The following OCM variants were observed in gnomAD, a reference collection of about 807,000 sequenced individuals.
OCM encodes the protein oncomodulin, also known as oncomodulin-1.
OCM carries 18 observed loss-of-function variants against 14.1 expected under a neutral mutation model. That is an observed-to-expected ratio of 1.28 (90% CI 0.88 to 1.89). The LOEUF is 1.89. Ranked by LOEUF, OCM falls within the 40% of genes most tolerant of loss-of-function variation. The pLI, the probability that OCM is intolerant of heterozygous loss-of-function variation, is 0.00. For missense variants in OCM, 140 were observed against 137.6 expected, an observed-to-expected ratio of 1.02 and a Z score of -0.09; for synonymous variants, 48 against 51.0, an observed-to-expected ratio of 0.94 and a Z score of 0.25.
chr7:5,865,736 G>C, the OCM span, among the ~76,000 whole-genome samples: 28 of 152,198 alleles, frequency 1.8e-4, no homozygotes, highest in South Asian at 6.2e-4. Flanking sequence ...CGACCTGGAA[G>C]TCCCAGAGAA....
chr7:5,878,673 G>A (rs10234274), upstream of OCM, among the ~76,000 whole-genome samples: 78,883 of 150,950 alleles, frequency 0.52, 21,292 homozygotes, highest in African/African-American at 0.61. Context: ...CGTGAACCCA[G>A]GAGGCGGAGC....
upstream of OCM, among the ~76,000 whole-genome samples, chr7:5,880,211 C>T (rs1224189779): frequency 1.3e-5 from 2 of 152,180 alleles, no homozygotes; most frequent in East Asian, 1.9e-4. Context: ...TTGCATCTCT[C>T]GGGCTGCTGT....
chr7:5,880,972 G>T, intron 1 of OCM, 22 bp downstream of exon 1: 1 of 1,608,508 alleles, frequency 6.2e-7, no homozygotes, highest in Non-Finnish European at 8.5e-7. Flanking sequence ...GTGAGGCGGG[G>T]GTGGGATTTC....
chr7:5,860,545 A>G, the OCM span, among the ~76,000 whole-genome samples: 8 of 118,722 alleles, frequency 6.7e-5, 1 homozygote, highest in African/African-American at 2.6e-4. Context: ...TATATTACGT[A>G]TATATACGTG....
chr7:5,875,567 C>T (rs955567880), upstream of OCM, among the ~76,000 whole-genome samples: 1 of 152,112 alleles, frequency 6.6e-6, no homozygotes, highest in African/African-American at 2.4e-5. Context: ...CTCGGCCTCC[C>T]AAAGTGCTGG....
the OCM span, among the ~76,000 whole-genome samples, chr7:5,863,143 C>T: frequency 3.3e-5 from 5 of 152,236 alleles, no homozygotes; most frequent in African/African-American, 7.2e-5. Context: ...ATTTATTGAT[C>T]GCTAATCAGA....
the OCM span, among the ~76,000 whole-genome samples, chr7:5,874,064 A>T: frequency 2.0e-5 from 3 of 149,562 alleles, no homozygotes; most frequent in African/African-American, 5.0e-5. Flanking sequence ...AAAAATAAAA[A>T]AAAAAAAAAA....
the OCM span, among the ~76,000 whole-genome samples, chr7:5,861,026 G>A: frequency 6.6e-6 from 1 of 151,944 alleles, no homozygotes; most frequent in Non-Finnish European, 1.5e-5. Flanking sequence ...GCCTGGAGGT[G>A]GCTCGCTAAT....
the OCM span, among the ~76,000 whole-genome samples, chr7:5,868,297 C>G: frequency 6.6e-6 from 1 of 152,042 alleles, no homozygotes; most frequent in African/African-American, 2.4e-5. Context: ...CAGGCATGCA[C>G]CACCACACCC....
At chr7:5,879,486 T>C (rs1357646383), upstream of OCM, among the ~76,000 whole-genome samples, 1 of 152,060 alleles carries the variant, frequency 6.6e-6, no homozygotes, top group Non-Finnish European at 1.5e-5. Flanking sequence ...TACACACCCA[T>C]AGTTCCCAAA....
intron 3 of OCM, among the ~76,000 whole-genome samples, chr7:5,885,207 A>G (rs1468085571): frequency 6.6e-6 from 1 of 151,984 alleles, no homozygotes; most frequent in Non-Finnish European, 1.5e-5. Flanking sequence ...AGTTTTTTAT[A>G]TCAATCTGTA....
chr7:5,885,847 G>C (rs1455451344), intron 3 of OCM, among the ~76,000 whole-genome samples: 2 of 152,252 alleles, frequency 1.3e-5, no homozygotes, highest in African/African-American at 4.8e-5. Context: ...ATGATGTCAT[G>C]ATCCACCCGC....
At chr7:5,876,866 T>C (rs1317985090), upstream of OCM, among the ~76,000 whole-genome samples, 3 of 150,936 alleles carry the variant, frequency 2.0e-5, no homozygotes, top group African/African-American at 7.3e-5. Flanking sequence ...AGTGCAATGG[T>C]GCGATCTCGG....
At chr7:5,869,747 A>G in the OCM span, among the ~76,000 whole-genome samples, 2 of 151,032 alleles carry the variant, frequency 1.3e-5, no homozygotes, top group African/African-American at 4.9e-5. Flanking sequence ...CCCAGCAACA[A>G]CTCACCGCCC....
At chr7:5,882,029 G>C (rs2128606706) in intron 1 of OCM, among the ~76,000 whole-genome samples, 1 of 138,614 alleles carries the variant, frequency 7.2e-6, no homozygotes, top group East Asian at 2.4e-4. Context: ...AGAGGTTGCA[G>C]TGAGCCGAGA....
At chr7:5,868,165 G>GT in the OCM span, among the ~76,000 whole-genome samples, 6 of 151,688 alleles carry the variant, frequency 4.0e-5, no homozygotes, top group Middle Eastern at 6.8e-3. Context: ...GTTTTGTTTT[G>GT]TTTTTTTGGA....
the OCM span, among the ~76,000 whole-genome samples, chr7:5,872,269 C>A: frequency 1.3e-5 from 2 of 152,100 alleles, no homozygotes; most frequent in Non-Finnish European, 2.9e-5. Context: ...TTCATTTCAT[C>A]GGGAAACACA....
At chr7:5,870,866 G>A in the OCM span, among the ~76,000 whole-genome samples, 2 of 151,518 alleles carry the variant, frequency 1.3e-5, no homozygotes, top group African/African-American at 2.4e-5. Context: ...TGAAATTCTT[G>A]TAAATATCAC....
the OCM span, among the ~76,000 whole-genome samples, chr7:5,860,768 T>A: frequency 3.5e-5 from 5 of 144,262 alleles, no homozygotes; most frequent in African/African-American, 1.0e-4. Context: ...ATATATATAT[T>A]CGTATATATA....
Sources: gnomAD v4.1 joint callset for allele counts (sites outside exome capture counted in the v4.1 genomes callset) on GRCh38, gnomAD v4.1.1 for gene constraint, MANE v1.5 for transcripts, NCBI Gene and HGNC (gene_info 2026-07-23, HGNC 2026-07-21) for gene names.